LIG1: variants seen among roughly 807,000 people sequenced by gnomAD.
LIG1 encodes DNA ligase 1.
A neutral mutation model predicts 115.7 loss-of-function variants in LIG1; 70 were observed. The observed-to-expected ratio is 0.60, with a 90% CI of 0.50 to 0.74. The LOEUF is 0.74. Among genes scored for constraint, LIG1 ranks in the 30% least tolerant of loss-of-function variants. The probability of loss-of-function intolerance (pLI) is 0.00; values close to 1 mark genes in which losing one functional copy is unlikely to be tolerated. For synonymous variants in LIG1, 487 were observed against 495.3 expected, an observed-to-expected ratio of 0.98 and a Z score of 0.22; for missense variants, 1,115 against 1,225.6, an observed-to-expected ratio of 0.91 and a Z score of 1.35.
In LIG1 at chr19:48,162,351, C is replaced by A; in HGVS notation, c.18G>T (p.Met6Ile). 3 of 1,612,342 alleles carry A rather than the reference C, an allele frequency of 1.9e-6. No individual in the cohort carries two copies. The highest frequency in any genetic ancestry group is 2.5e-6 in the Non-Finnish European group (3 of 1,178,640). ...CCTCTTTCTTGGGGTGGAAAAATGA[C>A]CTAGAGGAGCATAAAAGGGGGTAAA... MQRSI[M>I]SFFHPKKEGK... Residue 6 changes from methionine (M) to isoleucine (I), a missense_variant and splice_region_variant, in exon 3 of 28, where the codon ATG (methionine) becomes ATT (isoleucine). Physicochemically the swap from Met to Ile is conservative, Grantham distance 10 (BLOSUM62 1). Transcript: ENST00000263274.
chr19:48,129,401 G>C (rs1187093689), intron 19 of LIG1, among the ~76,000 whole-genome samples: 1 of 152,158 alleles, frequency 6.6e-6, no homozygotes, highest in Non-Finnish European at 1.5e-5. Flanking sequence ...GTGGAGCCCG[G>C]ATCTCCACAT....
chr19:48,143,510 C>T (rs1183475205), intron 11 of LIG1, 33 bp downstream of exon 11: 5 of 517,856 alleles, frequency 9.7e-6, no homozygotes, highest in Non-Finnish European at 1.9e-5. Context: ...AGAAGCGACC[C>T]CGCCCCCCAC....
intron 5 of LIG1, among the ~76,000 whole-genome samples, chr19:48,155,746 G>C (rs749780221): frequency 6.6e-6 from 1 of 152,148 alleles, no homozygotes; most frequent in Non-Finnish European, 1.5e-5. Context: ...AAAATCCAAT[G>C]AACTCACTGC....
intron 11 of LIG1, 38 bp downstream of exon 11, chr19:48,143,505 C>CGGGGGGGGGGGGGGGGGGGGGGCGGGGGG: frequency 1.2e-6 from 1 of 850,466 alleles, no homozygotes; most frequent in Non-Finnish European, 2.0e-6. Context: ...GACCCAGAAG[C>CGGGGGGGGGGGGGGGGGGGGGGCGGGGGG]GACCCCGCCC....
intron 14 of LIG1, 147 bp from the exon 15 acceptor site, chr19:48,136,272 T>TA: frequency 1.6e-6 from 1 of 641,618 alleles, no homozygotes; most frequent in Non-Finnish European, 2.8e-6. Flanking sequence ...GGACCCCAGA[T>TA]ATCACACAGC....
At chr19:48,153,773 C>A in intron 6 of LIG1, 99 bp downstream of exon 6, 1 of 339,302 alleles carries the variant, frequency 2.9e-6, no homozygotes, top group Non-Finnish European at 5.2e-6. Flanking sequence ...CACACACACA[C>A]CTCTCCTTCT....
rs1247356698 is a variant in LIG1, at chr19:48,137,397, G to C, written c.1254+125C>G. The stretch of plus-strand genomic sequence containing the variant: ...GGTGCAGGAAGGAGGAGAGGAAGCT[G>C]TGCACCCCATGAGAAGGACTGATGC... On this transcript the variant is annotated intron_variant, in intron 13 of 27. Transcript: ENST00000263274. The surrounding 1 kb of genome is among the most constrained non-coding windows in gnomAD (Gnocchi z 4.3). 1.6e-6 allele frequency: 2 copies of C among 1,238,454 alleles called. No individual in the cohort carries two copies. The highest frequency in any genetic ancestry group is 2.3e-6 in the Non-Finnish European group (2 of 879,164). 76.7% of individuals were successfully genotyped at this position (1,238,454 alleles called of 1,614,324 possible).
intron 11 of LIG1, among the ~76,000 whole-genome samples, chr19:48,143,083 T>C (rs2034879755): frequency 6.6e-6 from 1 of 151,970 alleles, no homozygotes; most frequent in South Asian, 2.1e-4. Context: ...AGGACCAGGG[T>C]GGGGCAGTGC....
Position 48,122,911 on chromosome 19 carries a change from C to A in LIG1, c.2232+23G>T, listed in dbSNP as rs375663700. 8.1e-6 allele frequency: 13 copies of A among 1,611,642 alleles called. No individual in the cohort carries two copies. In the African/African-American group the frequency reaches 1.1e-4, roughly 13 times the overall value. ...ACCTCCAGACCCGGGGTGGAGAAGG[C>A]CCAGTTGGGGGTCGAGAATCACCTT... On this transcript the variant is annotated intron_variant, in intron 23 of 27. Transcript: ENST00000263274. The surrounding 1 kb of genome is among the most constrained non-coding windows in gnomAD (Gnocchi z 4.3).
Position 48,132,790 on chromosome 19 carries a change from C to CAAAAAAAAAAAAA in LIG1, c.1725+179_1725+191dup, listed in dbSNP as rs71181649. 1.3e-3 allele frequency among the ~76,000 whole-genome samples: 61 copies of CAAAAAAAAAAAAA among 48,256 alleles called. 4 individuals carry two copies. Among genetic ancestry groups the CAAAAAAAAAAAAA allele is most frequent in the Middle Eastern group, 0.015 (1 of 68 alleles). The allele number at this position is 48,256 out of a possible 152,430, so 31.7% of individuals were successfully genotyped here. A position where few individuals can be genotyped will look rare whatever the true frequency, so the allele number is the denominator to read the frequency against. On this transcript the variant is annotated intron_variant, in intron 18 of 27. Transcript: ENST00000263274. The stretch of plus-strand genomic sequence containing the variant: ...TGGATGACAGAGTGAGACTCTGTCT[C>CAAAAAAAAAAAAA]AAAAAAAAAAAAAAAAAAAAAAAAA...
rs1415788531 is a variant in LIG1, at chr19:48,117,795, A to T, written c.2440-14T>A. ...CAGCACCAGCGCCTGCAGTGAGCAG[A>T]GGAAGAGAGGAACAGAGGGTCTGGA... On this transcript the variant is annotated splice_polypyrimidine_tract_variant and intron_variant, in intron 25 of 27. Coordinates refer to ENST00000263274, the MANE Select transcript of LIG1 (RefSeq NM_000234.3). The T allele has an allele frequency of 4.3e-6, 7 of 1,611,042 alleles. No individual in the cohort carries two copies. Among genetic ancestry groups the T allele is most frequent in the Non-Finnish European group, 5.9e-6 (7 of 1,179,052 alleles).
At chr19:48,140,425 T>C (rs115086876) in intron 11 of LIG1, among the ~76,000 whole-genome samples, 1,732 of 152,310 alleles carry the variant, frequency 0.011, 29 homozygotes, top group African/African-American at 0.039. Flanking sequence ...CTGTCCTTGT[T>C]CAGTCCTGGG....
chr19:48,117,457 G>A (rs1337268996), intron 26 of LIG1, among the ~76,000 whole-genome samples, 181 bp downstream of exon 26: 1 of 152,222 alleles, frequency 6.6e-6, no homozygotes, highest in Admixed American at 6.5e-5. Context: ...CCCATGCCCG[G>A]CCCATTTTTA....
intron 9 of LIG1, among the ~76,000 whole-genome samples, chr19:48,145,636 C>T (rs929668858): frequency 2.0e-5 from 3 of 152,054 alleles, no homozygotes; most frequent in African/African-American, 7.2e-5. Context: ...GTTTAACAAG[C>T]GGTGGCCGGC....
At chr19:48,157,225 CCT>C (rs1411495028) in intron 4 of LIG1, 85 bp from the exon 5 acceptor site, 1 of 1,420,010 alleles carries the variant, frequency 7.0e-7, no homozygotes, top group South Asian at 1.4e-5. Context: ...GGGACTGAAA[CCT>C]CTCTGTCTAC....
chr19:48,169,119 T>C (rs1267413109), intron 1 of LIG1, among the ~76,000 whole-genome samples: 2 of 151,996 alleles, frequency 1.3e-5, no homozygotes, highest in Non-Finnish European at 2.9e-5. Context: ...AACATCCTAA[T>C]AATATATGAT....
intron 1 of LIG1, among the ~76,000 whole-genome samples, chr19:48,166,607 T>A (rs1460532822): frequency 6.6e-6 from 1 of 152,140 alleles, no homozygotes; most frequent in Non-Finnish European, 1.5e-5. Flanking sequence ...AATACTTTTT[T>A]AAAAAGTCTG....
At chr19:48,165,212 T>C (rs1025974987) in intron 2 of LIG1, among the ~76,000 whole-genome samples, 1 of 152,158 alleles carries the variant, frequency 6.6e-6, no homozygotes, top group African/African-American at 2.4e-5. Context: ...TGAGCCGAGA[T>C]TGCGCCACTG....
chr19:48,126,612 A>C (rs1263072848), intron 21 of LIG1, among the ~76,000 whole-genome samples: 1 of 152,028 alleles, frequency 6.6e-6, no homozygotes, highest in Non-Finnish European at 1.5e-5. Flanking sequence ...ATCTCAAAAA[A>C]AAAAAAAAAA....
Sources: gnomAD v4.1 joint callset for allele counts (sites outside exome capture counted in the v4.1 genomes callset) on GRCh38, gnomAD v4.1.1 for gene constraint, Gnocchi (gnomAD v3.1) non-coding constraint, MANE v1.5 for transcripts, NCBI Gene and HGNC (gene_info 2026-07-23, HGNC 2026-07-21) for gene names.